Variants in PRR5L observed in about 807,000 individuals in gnomAD.
PRR5L encodes the protein proline rich 5 like.
A neutral mutation model predicts 36.4 loss-of-function variants in PRR5L; 21 were observed. That is an observed-to-expected ratio of 0.58 (90% CI 0.41 to 0.83). The LOEUF (loss-of-function observed/expected upper bound fraction) is 0.83, where lower values mean the gene tolerates loss of function less well. Ranked by LOEUF, PRR5L falls within the 40% of genes least tolerant of loss-of-function variation. The probability of loss-of-function intolerance (pLI) is 0.00; values close to 1 mark genes in which losing one functional copy is unlikely to be tolerated. For missense variants in PRR5L, 381 were observed against 473.3 expected (o/e 0.80, Z 1.81); for synonymous variants, 188 against 197.0 (o/e 0.95, Z 0.38).
intron 2 of PRR5L, 135 bp from the exon 3 acceptor site, chr11:36,403,163 A>T: frequency 1.6e-6 from 1 of 632,634 alleles, no homozygotes; most frequent in Non-Finnish European, 2.8e-6. Flanking sequence ...GAGGAAATGG[A>T]GGATGGATGG....
At chr11:36,404,786 T>C (rs1857875652) in intron 3 of PRR5L, among the ~76,000 whole-genome samples, 1 of 152,188 alleles carries the variant, frequency 6.6e-6, no homozygotes, top group African/African-American at 2.4e-5. Context: ...TTTCCATCCA[T>C]GTTCTTGAAT....
chr11:36,352,345 C>T lies in PRR5L; in HGVS notation c.-125-48652C>T, dbSNP rs559337803. 2.8e-5 allele frequency among the ~76,000 whole-genome samples: 4 copies of T among 140,714 alleles called. No individual in the cohort carries two copies. In the South Asian group the frequency reaches 8.8e-4, roughly 31 times the overall value. 92.3% of individuals were successfully genotyped at this position (140,714 alleles called of 152,430 possible). A position where few individuals can be genotyped will look rare whatever the true frequency, so the allele number is the denominator to read the frequency against. On this transcript the variant is annotated intron_variant, in intron 1 of 8. Transcript: ENST00000530639. The stretch of plus-strand genomic sequence containing the variant: ...TCCTTGTAGATTCTGGACATTAGCC[C>T]TTTTTCAGATGTTTAGATTGTGAAG...
At chr11:36,456,954 T>C (rs1859071179) in intron 8 of PRR5L, among the ~76,000 whole-genome samples, 1 of 152,202 alleles carries the variant, frequency 6.6e-6, no homozygotes, top group Non-Finnish European at 1.5e-5. Context: ...CAGGTGGTGT[T>C]GTGGTCTCCT....
intron 5 of PRR5L, 67 bp from the exon 6 acceptor site, chr11:36,437,318 C>A: frequency 9.4e-7 from 1 of 1,059,160 alleles, no homozygotes; most frequent in Non-Finnish European, 1.5e-6. Flanking sequence ...GTCTTCTGGC[C>A]TCTCCTACAA....
intron 8 of PRR5L, among the ~76,000 whole-genome samples, chr11:36,462,118 T>G (rs530816567): frequency 6.6e-6 from 1 of 152,260 alleles, no homozygotes; most frequent in East Asian, 1.9e-4. Context: ...CCACCTAATA[T>G]GTGGGGTAGG....
chr11:36,451,891 A>G (rs1210531744), intron 8 of PRR5L, among the ~76,000 whole-genome samples: 1 of 152,084 alleles, frequency 6.6e-6, no homozygotes, highest in Non-Finnish European at 1.5e-5. Flanking sequence ...GATGGCTGTA[A>G]ACCTAGCATC....
At chr11:36,365,507 AT>A (rs200254710) in intron 1 of PRR5L, among the ~76,000 whole-genome samples, 26 of 151,816 alleles carry the variant, frequency 1.7e-4, no homozygotes, top group African/African-American at 6.0e-4. Context: ...AAACTATTGA[AT>A]TTTTTTTTCT....
At chr11:36,334,522 G>T (rs1194542106) in intron 1 of PRR5L, among the ~76,000 whole-genome samples, 2 of 152,120 alleles carry the variant, frequency 1.3e-5, no homozygotes, top group African/African-American at 4.8e-5. Context: ...CACCATCAAG[G>T]TTATTATTTA....
intron 1 of PRR5L, chr11:36,329,020 G>A (rs1319166188): frequency 6.6e-6 from 1 of 152,272 alleles, no homozygotes; most frequent in South Asian, 2.1e-4. Flanking sequence ...GAAACCATCA[G>A]GTATTTAATA....
chr11:36,322,033 C>G (rs1392739073), intron 1 of PRR5L, among the ~76,000 whole-genome samples: 1 of 152,210 alleles, frequency 6.6e-6, no homozygotes, highest in African/African-American at 2.4e-5. Context: ...GGACTTAGGA[C>G]TTCAACATAT....
intron 1 of PRR5L, chr11:36,376,354 G>C: frequency 2.1e-6 from 2 of 972,262 alleles, no homozygotes; most frequent in Non-Finnish European, 2.6e-6. Flanking sequence ...AAGAGGAGGA[G>C]GAGGAGGAGG....
At chr11:36,358,039 A>C (rs1029323134) in intron 1 of PRR5L, among the ~76,000 whole-genome samples, 1 of 152,206 alleles carries the variant, frequency 6.6e-6, no homozygotes, top group Non-Finnish European at 1.5e-5. Flanking sequence ...CAGCATTAAC[A>C]GGTGTTTAGA....
Position 36,431,905 on chromosome 11 carries a change from G to A in PRR5L, c.347G>A (p.Cys116Tyr). 2 of 1,614,002 alleles carry A rather than the reference G, an allele frequency of 1.2e-6. No individual in the cohort carries two copies. Among genetic ancestry groups the A allele is most frequent in the Non-Finnish European group, 1.7e-6 (2 of 1,179,858 alleles). The change falls in exon 5 of 9, where the codon TGT becomes TAT. Residue 116 changes from cysteine to tyrosine, a missense_variant. By Grantham distance (194) the Cys-to-Tyr change is radical (BLOSUM62 -2). Transcript: ENST00000530639. Reference sequence around the variant, plus strand: ...TTTGTGGAGGAGAAGATCAAGCTGTGTGAAGGCAAGTACAAGACAGCCCTG... The same window carrying A: ...TTTGTGGAGGAGAAGATCAAGCTGTATGAAGGCAAGTACAAGACAGCCCTG... The part of the protein sequence containing the change: ...LFFVEEKIKL[C>Y]EGENRIEVLA...
chr11:36,390,335 A>G (rs183732503), intron 1 of PRR5L, among the ~76,000 whole-genome samples: 2 of 152,218 alleles, frequency 1.3e-5, no homozygotes, highest in South Asian at 4.1e-4. Context: ...GTGCTGGTGG[A>G]AGACATGAAG....
chr11:36,440,496 C>T (rs1167702290), intron 6 of PRR5L, among the ~76,000 whole-genome samples: 1 of 152,032 alleles, frequency 6.6e-6, no homozygotes, highest in Non-Finnish European at 1.5e-5. Context: ...GCTATAACTA[C>T]CCATGCCCAG....
intron 1 of PRR5L, among the ~76,000 whole-genome samples, chr11:36,375,373 T>C (rs1016862535): frequency 3.3e-5 from 5 of 152,160 alleles, no homozygotes; most frequent in African/African-American, 1.2e-4. Context: ...CTTTACCTAA[T>C]ATCGCAGGAC....
At chr11:36,447,809 C>T (rs146309478) in intron 7 of PRR5L, among the ~76,000 whole-genome samples, 17 of 152,006 alleles carry the variant, frequency 1.1e-4, no homozygotes, top group African/African-American at 3.4e-4. Flanking sequence ...TGTAATTGGC[C>T]GGAATGCCAG....
intron 1 of PRR5L, among the ~76,000 whole-genome samples, chr11:36,382,215 G>T (rs1857382071): frequency 1.3e-5 from 2 of 152,204 alleles, no homozygotes; most frequent in African/African-American, 4.8e-5. Context: ...AGGCAGGGTT[G>T]TTGAATGAGC....
intron 8 of PRR5L, among the ~76,000 whole-genome samples, chr11:36,458,539 C>T (rs1305258772): frequency 6.6e-6 from 1 of 152,210 alleles, no homozygotes; most frequent in Non-Finnish European, 1.5e-5. Context: ...AGATTTAGTC[C>T]AAAGGTTTAG....
Sources: gnomAD v4.1 joint callset for allele counts (sites outside exome capture counted in the v4.1 genomes callset) on GRCh38, gnomAD v4.1.1 for gene constraint, MANE v1.5 for transcripts, NCBI Gene and HGNC (gene_info 2026-07-23, HGNC 2026-07-21) for gene names.